TRPM3: variants seen among roughly 807,000 people sequenced by gnomAD.
The protein encoded by TRPM3 is transient receptor potential cation channel subfamily M member 3.
Under a neutral mutation model 181.2 loss-of-function variants are expected in TRPM3, and 77 were observed. The observed-to-expected ratio is 0.42, with a 90% CI of 0.35 to 0.51. TRPM3 has a LOEUF of 0.51. TRPM3 is among the 20% of genes least tolerant of loss of function. The pLI, the probability that TRPM3 is intolerant of heterozygous loss-of-function variation, is 0.01. For synonymous variants in TRPM3, 745 were observed against 796.4 expected (o/e 0.94, Z 1.09); for missense variants, 1,759 against 2,196.7 (o/e 0.80, Z 3.98).
chr9:71,206,554 T>C lies in TRPM3; in HGVS notation c.183+240099A>G, dbSNP rs559781209. 2.4e-3 allele frequency among the ~76,000 whole-genome samples: 371 copies of C among 152,324 alleles called. 3 individuals are homozygous for C. Among genetic ancestry groups the C allele is most frequent in the African/African-American group, 8.4e-3 (348 of 41,580 alleles). On this transcript the variant is annotated intron_variant, in intron 1 of 24. Transcript: ENST00000357533. The stretch of plus-strand genomic sequence containing the variant: ...GTAGGTTGCCCATTCACTCTGATGA[T>C]AGTTTCTTTTGCTGTGCAGAAGCTC...
rs2074906099 is a variant in TRPM3, at chr9:71,138,512, A to G, written c.184-274001T>C. Reference sequence around the variant, plus strand: ...TATATATATGAGTTTCTAATAGGAAATCAATCTTTTCTAAGCATTCTCTCC... The same window carrying G: ...TATATATATGAGTTTCTAATAGGAAGTCAATCTTTTCTAAGCATTCTCTCC... On this transcript the variant is annotated intron_variant, in intron 1 of 24. Transcript: ENST00000357533. 3.3e-5 allele frequency among the ~76,000 whole-genome samples: 5 copies of G among 152,276 alleles called. 1 individual carries two copies. In the South Asian group the frequency reaches 8.3e-4, roughly 25 times the overall value.
intron 22 of TRPM3, among the ~76,000 whole-genome samples, chr9:70,558,036 A>G (rs1169118260): frequency 6.6e-6 from 1 of 152,198 alleles, no homozygotes; most frequent in Admixed American, 6.5e-5. Flanking sequence ...TTATTCCCTG[A>G]TTGCAGTGAT....
At chr9:70,614,035 G>C (rs1324939068) in intron 18 of TRPM3, among the ~76,000 whole-genome samples, 2 of 152,110 alleles carry the variant, frequency 1.3e-5, no homozygotes, top group Non-Finnish European at 2.9e-5. Flanking sequence ...CGGCTGAGTG[G>C]CCACACTTGA....
intron 6 of TRPM3, among the ~76,000 whole-genome samples, chr9:70,800,677 A>G (rs1421227798): frequency 1.3e-5 from 2 of 152,142 alleles, no homozygotes; most frequent in Non-Finnish European, 2.9e-5. Context: ...CCTCTTCCTT[A>G]TTATTTTCTT....
At chr9:70,647,598 G>A (rs1451416121) in intron 9 of TRPM3, among the ~76,000 whole-genome samples, 1 of 152,052 alleles carries the variant, frequency 6.6e-6, no homozygotes, top group Non-Finnish European at 1.5e-5. Flanking sequence ...CTGAACAGGC[G>A]AAAGCTGGAA....
intron 1 of TRPM3, among the ~76,000 whole-genome samples, chr9:71,370,715 G>C (rs572926074): frequency 9.8e-5 from 15 of 152,330 alleles, no homozygotes; most frequent in African/African-American, 3.4e-4. Context: ...CAGAGATCTA[G>C]ATACAATAAT....
At chr9:71,210,814 T>C (rs1172253602) in intron 1 of TRPM3, among the ~76,000 whole-genome samples, 1 of 152,272 alleles carries the variant, frequency 6.6e-6, no homozygotes, top group Admixed American at 6.5e-5. Context: ...AAGGTCAAGG[T>C]GCCACCCAAT....
chr9:70,666,617 C>T (rs1444947579), intron 9 of TRPM3, among the ~76,000 whole-genome samples: 1 of 152,162 alleles, frequency 6.6e-6, no homozygotes, highest in African/African-American at 2.4e-5. Flanking sequence ...CCAAAGCATT[C>T]TAGCTCCTAG....
chr9:71,145,277 G>A (rs1368707479), intron 1 of TRPM3, among the ~76,000 whole-genome samples: 2 of 152,242 alleles, frequency 1.3e-5, no homozygotes, highest in Middle Eastern at 3.4e-3. Context: ...GTCTAATAGG[G>A]TAACTTCCCT....
intron 1 of TRPM3, among the ~76,000 whole-genome samples, chr9:70,945,070 G>A (rs902029086): frequency 1.3e-5 from 2 of 152,110 alleles, no homozygotes; most frequent in African/African-American, 4.8e-5. Context: ...AGTCCTCTAG[G>A]GGTGAAGCCT....
At chr9:71,182,108 A>G (rs4744623) in intron 1 of TRPM3, among the ~76,000 whole-genome samples, 65,922 of 152,032 alleles carry the variant, frequency 0.43, 14,643 homozygotes, top group East Asian at 0.52. Flanking sequence ...TACATCTTAT[A>G]AGATGAACAC....
chr9:70,816,978 T>G (rs2092746924), intron 6 of TRPM3, among the ~76,000 whole-genome samples: 2 of 152,204 alleles, frequency 1.3e-5, no homozygotes, highest in Admixed American at 6.5e-5. Context: ...CTGCAGGAGC[T>G]ATTTATGAGT....
chr9:71,275,473 A>G (rs2084128086), intron 1 of TRPM3, among the ~76,000 whole-genome samples: 1 of 152,148 alleles, frequency 6.6e-6, no homozygotes, highest in East Asian at 1.9e-4. Flanking sequence ...TTTGATTGCA[A>G]TAAAAATTCC....
intron 1 of TRPM3, among the ~76,000 whole-genome samples, chr9:71,169,442 G>C (rs897183328): frequency 2.6e-5 from 4 of 152,142 alleles, no homozygotes; most frequent in African/African-American, 9.7e-5. Context: ...CAAATTATGT[G>C]CAGAATGTGG....
intron 1 of TRPM3, among the ~76,000 whole-genome samples, chr9:70,927,644 C>T (rs772025885): frequency 7.9e-5 from 12 of 152,176 alleles, no homozygotes; most frequent in Non-Finnish European, 1.5e-4. Flanking sequence ...TGTATTTTCT[C>T]TTCTAGCATT....
intron 2 of TRPM3, 69 bp downstream of exon 2, chr9:70,864,363 T>C: frequency 9.2e-7 from 1 of 1,086,500 alleles, no homozygotes; most frequent in South Asian, 1.9e-5. Context: ...TAACAGGTCA[T>C]GATTACTCTT....
chr9:71,314,135 A>G (rs983928796), intron 1 of TRPM3, among the ~76,000 whole-genome samples: 5 of 152,112 alleles, frequency 3.3e-5, no homozygotes, highest in African/African-American at 1.2e-4. Flanking sequence ...GGTGTGATGA[A>G]TATCTTTTCA....
At chr9:71,195,451 C>CA (rs897613724) in intron 1 of TRPM3, among the ~76,000 whole-genome samples, 19 of 151,848 alleles carry the variant, frequency 1.3e-4, no homozygotes, top group Admixed American at 6.6e-4. Flanking sequence ...ATTAAAATGT[C>CA]AAAAAATAAC....
chr9:71,336,616 T>C (rs562284191), intron 1 of TRPM3, among the ~76,000 whole-genome samples: 156 of 152,228 alleles, frequency 1.0e-3, no homozygotes, highest in Middle Eastern at 3.4e-3. Flanking sequence ...AAATTTCATA[T>C]GGGACCAAAA....
Sources: gnomAD v4.1 joint callset for allele counts (sites outside exome capture counted in the v4.1 genomes callset) on GRCh38, gnomAD v4.1.1 for gene constraint, MANE v1.5 for transcripts, NCBI Gene and HGNC (gene_info 2026-07-23, HGNC 2026-07-21) for gene names.